CFAP54: variants seen among roughly 807,000 people sequenced by gnomAD.
CFAP54 encodes cilia and flagella associated protein 54.
Under a neutral mutation model 370.4 loss-of-function variants are expected in CFAP54, and 290 were observed. The observed-to-expected ratio is 0.78, with a 90% CI of 0.71 to 0.86. The LOEUF is 0.86. Among genes scored for constraint, CFAP54 ranks in the 40% least tolerant of loss-of-function variants. The pLI is 0.00. For synonymous variants in CFAP54, 1,206 were observed against 1,236.5 expected (o/e 0.98, Z 0.52); for missense variants, 3,399 against 3,528.7 (o/e 0.96, Z 0.93).
At chr12:96,827,024 ATG>A (rs2136753969) in intron 65 of CFAP54, among the ~76,000 whole-genome samples, 1 of 131,382 alleles carries the variant, frequency 7.6e-6, no homozygotes, top group East Asian at 2.6e-4. Flanking sequence ...ATGCAATTAT[ATG>A]TGATTATATA....
chr12:96,826,961 TGCA>T (rs1959121970), intron 65 of CFAP54, among the ~76,000 whole-genome samples: 1 of 129,372 alleles, frequency 7.7e-6, no homozygotes, highest in African/African-American at 3.2e-5. Context: ...ATATATAATA[TGCA>T]ATTATATATG....
intron 5 of CFAP54, among the ~76,000 whole-genome samples, chr12:96,515,035 G>A (rs1955214989): frequency 1.4e-5 from 2 of 145,910 alleles, no homozygotes; most frequent in East Asian, 2.0e-4. Context: ...TTGAGACTGA[G>A]TGTTGCTCTG....
At position 96,539,082 on chromosome 12, in the gene CFAP54, TTG is replaced by T. The variant is rs1565889532; in HGVS notation, c.1926+566_1926+567del. Reference sequence around the variant, plus strand: ...TTTTCAGGTTTTTTTTTTTTTGTTTTTGTTTTTGAGATGGAGTCTTGCTCTGT... The same window carrying T: ...TTTTCAGGTTTTTTTTTTTTTGTTTTTTTTTGAGATGGAGTCTTGCTCTGT... On this transcript the variant is annotated intron_variant, in intron 13 of 67. Transcript: ENST00000524981. 1.9e-4 allele frequency among the ~76,000 whole-genome samples: 27 copies of T among 143,134 alleles called. 2 individuals carry two copies. The highest frequency in any genetic ancestry group is 6.5e-4 in the African/African-American group (25 of 38,224). The allele number at this position is 143,134 out of a possible 152,430, so 93.9% of individuals were successfully genotyped here. A position where few individuals can be genotyped will look rare whatever the true frequency, so the allele number is the denominator to read the frequency against.
intron 14 of CFAP54, among the ~76,000 whole-genome samples, chr12:96,542,089 T>C (rs976325223): frequency 6.6e-6 from 1 of 152,124 alleles, no homozygotes; most frequent in Non-Finnish European, 1.5e-5. Flanking sequence ...TACTTTGCTG[T>C]TTCACCCCAC....
intron 39 of CFAP54, among the ~76,000 whole-genome samples, chr12:96,677,700 A>C (rs1368697702): frequency 6.6e-6 from 1 of 152,180 alleles, no homozygotes; most frequent in East Asian, 1.9e-4. Flanking sequence ...TGGCCTAAGT[A>C]TTTGATTCTC....
At chr12:96,860,134 A>ATT (rs137937553) in intron 66 of CFAP54, among the ~76,000 whole-genome samples, 2 of 127,990 alleles carry the variant, frequency 1.6e-5, no homozygotes, top group Non-Finnish European at 3.3e-5. Flanking sequence ...TTGTTCTCTA[A>ATT]TTTTTTTTTT....
At chr12:96,827,841 T>C (rs1193830286) in intron 65 of CFAP54, among the ~76,000 whole-genome samples, 17 of 112,252 alleles carry the variant, frequency 1.5e-4, no homozygotes, top group African/African-American at 4.3e-4. Context: ...ATATATAATA[T>C]ATAATTATAT....
rs1957024611 is a variant in CFAP54 at position 96,663,838 on chromosome 12, C to A, written c.5469C>A (p.Cys1823Ter). The part of the protein sequence containing the change: ...YEAEYGEKIT[C>*]RNFIGKQLKI... ...CACCTTTCTTTTTAAAGATAACTTG[C>A]CGAAATTTCATTGGGAAGCAGCTTA... Residue 1823 changes from cysteine (C) to a stop codon, truncating the protein, a stop_gained, in exon 39 of 68, where the codon TGC (cysteine) becomes TGA (stop). Coordinates refer to ENST00000524981, the MANE Select transcript of CFAP54 (RefSeq NM_001306084.2). LOFTEE classifies it high-confidence loss of function. 7 of 1,611,416 alleles carry A rather than the reference C, an allele frequency of 4.3e-6. No individual in the cohort carries two copies. Among genetic ancestry groups the A allele is most frequent in the South Asian group, 3.3e-5 (3 of 90,732 alleles).
chr12:96,816,617 T>C (rs1958976915), intron 64 of CFAP54, among the ~76,000 whole-genome samples: 1 of 152,244 alleles, frequency 6.6e-6, no homozygotes, highest in African/African-American at 2.4e-5. Context: ...ATTGACATTT[T>C]TGCCTATGTT....
intron 26 of CFAP54, among the ~76,000 whole-genome samples, chr12:96,610,648 C>G (rs1286398172): frequency 6.6e-6 from 1 of 152,188 alleles, no homozygotes; most frequent in Non-Finnish European, 1.5e-5. Context: ...CCAAGGGAAG[C>G]TATGACAGAC....
At chr12:96,860,298 C>G (rs184844624) in intron 66 of CFAP54, among the ~76,000 whole-genome samples, 1 of 152,194 alleles carries the variant, frequency 6.6e-6, no homozygotes, top group East Asian at 1.9e-4. Context: ...CTGTCCTTCC[C>G]CCAATCAATA....
At chr12:96,825,163 A>G (rs1403046938) in intron 65 of CFAP54, among the ~76,000 whole-genome samples, 1 of 145,378 alleles carries the variant, frequency 6.9e-6, no homozygotes, top group African/African-American at 2.5e-5. Context: ...TACTACTAAG[A>G]ATTATTCTCT....
chr12:96,644,280 A>T lies in CFAP54; in HGVS notation c.4419A>T (p.Leu1473=), dbSNP rs552160209. 1.0e-5 allele frequency: 16 copies of T among 1,535,776 alleles called. No individual in the cohort carries two copies. In the African/African-American group the frequency reaches 2.2e-4, roughly 21 times the overall value. The part of the protein sequence containing the change: ...SYVKRKRFHR[L]SLEEMPWRAQ... ...TTAAAAGAAAGAGGTTCCATCGTCT[A>T]TCACTTGAAGAGATGCCCTGGAGAG... Residue 1473 remains leucine (L), a synonymous_variant, in exon 33 of 68, where the codon CTA becomes CTT. Coordinates refer to ENST00000524981, the MANE Select transcript of CFAP54 (RefSeq NM_001306084.2).
At chr12:96,496,323 T>G (rs2043951) in intron 1 of CFAP54, among the ~76,000 whole-genome samples, 85,330 of 152,058 alleles carry the variant, frequency 0.56, 24,625 homozygotes, top group East Asian at 0.74. Context: ...CTTAAGTTTA[T>G]GTCCTGTATT....
chr12:96,832,875 A>G (rs868264963), intron 66 of CFAP54, among the ~76,000 whole-genome samples: 13 of 152,214 alleles, frequency 8.5e-5, no homozygotes, highest in Admixed American at 1.3e-4. Context: ...CTTCCACTGA[A>G]AATAAGACTC....
At chr12:96,704,255 G>C (rs1349373825) in intron 46 of CFAP54, among the ~76,000 whole-genome samples, 1 of 151,224 alleles carries the variant, frequency 6.6e-6, no homozygotes, top group Non-Finnish European at 1.5e-5. Flanking sequence ...GTGAAACCCC[G>C]TGTCTACTAA....
intron 67 of CFAP54, among the ~76,000 whole-genome samples, chr12:96,867,222 T>C (rs187370452): frequency 6.6e-6 from 1 of 152,320 alleles, no homozygotes; most frequent in East Asian, 1.9e-4. Flanking sequence ...ATTTGTTCAT[T>C]TGATAGATCT....
rs966518482 is a variant in CFAP54, at chr12:96,827,045, A to G, written c.9097-1969A>G. Among the ~76,000 whole-genome samples, 12 of 139,512 alleles carry G rather than the reference A, an allele frequency of 8.6e-5. 1 individual carries two copies. Among genetic ancestry groups the G allele is most frequent in the African/African-American group, 3.1e-4 (12 of 38,398 alleles). The allele number at this position is 139,512 out of a possible 152,430, so 91.5% of individuals were successfully genotyped here. On this transcript the variant is annotated intron_variant, in intron 65 of 67. Coordinates refer to ENST00000524981, the MANE Select transcript of CFAP54 (RefSeq NM_001306084.2). ...TTATATGTGATTATATATAATATGCAATTATATGTGATTATATATAATATG... is the reference window on the plus strand; with the variant it reads ...TTATATGTGATTATATATAATATGCGATTATATGTGATTATATATAATATG...
At chr12:96,506,337 C>CAA (rs10709188) in intron 3 of CFAP54, among the ~76,000 whole-genome samples, 55 of 94,422 alleles carry the variant, frequency 5.8e-4, no homozygotes, top group Middle Eastern at 6.0e-3. Flanking sequence ...GACTCCGTCT[C>CAA]AAAAAAAAAA....
Sources: gnomAD v4.1 joint callset for allele counts (sites outside exome capture counted in the v4.1 genomes callset) on GRCh38, gnomAD v4.1.1 for gene constraint, MANE v1.5 for transcripts, NCBI Gene and HGNC (gene_info 2026-07-23, HGNC 2026-07-21) for gene names.